FRMD3: variants seen among roughly 807,000 people sequenced by gnomAD.
FRMD3 encodes FERM domain containing 3.
FRMD3 carries 33 observed loss-of-function variants against 70.2 expected under a neutral mutation model. That is an observed-to-expected ratio of 0.47 (90% CI 0.36 to 0.63). FRMD3 has a LOEUF of 0.63. Ranked by LOEUF, FRMD3 falls within the 20% of genes least tolerant of loss-of-function variation. FRMD3 has a pLI of 0.00. For missense variants in FRMD3, 632 were observed against 711.4 expected, an observed-to-expected ratio of 0.89 and a Z score of 1.27; for synonymous variants, 279 against 255.9, an observed-to-expected ratio of 1.09 and a Z score of -0.86.
chr9:83,340,616 A>AT (rs917110871), intron 5 of FRMD3, among the ~76,000 whole-genome samples: 7 of 152,324 alleles, frequency 4.6e-5, no homozygotes, highest in African/African-American at 1.4e-4. Flanking sequence ...CAGGAAAGAT[A>AT]TTTTTACCAA....
chr9:83,393,575 C>T (rs1396795938), intron 1 of FRMD3, among the ~76,000 whole-genome samples: 1 of 147,146 alleles, frequency 6.8e-6, no homozygotes, highest in Non-Finnish European at 1.5e-5. Flanking sequence ...CGGTGGGAGC[C>T]CTGAGCTTGT....
At chr9:83,345,811 T>C (rs1823939080) in intron 4 of FRMD3, among the ~76,000 whole-genome samples, 1 of 152,176 alleles carries the variant, frequency 6.6e-6, no homozygotes, top group East Asian at 1.9e-4. Flanking sequence ...CAGGGGATGC[T>C]GTGGTGCAGC....
intron 1 of FRMD3, among the ~76,000 whole-genome samples, chr9:83,490,251 T>C (rs1828786265): frequency 6.6e-6 from 1 of 152,168 alleles, no homozygotes; most frequent in Non-Finnish European, 1.5e-5. Context: ...AACAGGCATT[T>C]TTCTAACTTC....
the FRMD3 span, among the ~76,000 whole-genome samples, chr9:83,555,742 A>C: frequency 6.6e-6 from 1 of 152,180 alleles, no homozygotes; most frequent in Non-Finnish European, 1.5e-5. Context: ...GGAAAGCCCA[A>C]GTATCTAAGG....
intron 1 of FRMD3, among the ~76,000 whole-genome samples, chr9:83,514,216 G>A (rs1254539453): frequency 6.6e-6 from 1 of 152,200 alleles, no homozygotes; most frequent in Non-Finnish European, 1.5e-5. Flanking sequence ...CTACTGGCTT[G>A]AAATTCTCAC....
At position 83,245,006 on chromosome 9, in the gene FRMD3, C is replaced by T. The variant is rs1832023033; in HGVS notation, c.*2912G>A. ...TATTATATATATTTATTTATATCCA[C>T]AAATGTACACTCAGTGGCATTTATG... is the stretch of plus-strand genomic sequence containing the variant. On this transcript the variant is annotated 3_prime_UTR_variant, in exon 14 of 14. Transcript: ENST00000304195. The T allele has an allele frequency of 2.0e-6, 2 of 984,186 alleles. No homozygotes were observed. Among genetic ancestry groups the T allele is most frequent in the Admixed American group, 6.2e-5 (1 of 16,256 alleles). 61.0% of individuals were successfully genotyped at this position (984,186 alleles called of 1,614,324 possible).
At chr9:83,574,963 G>A in the FRMD3 span, among the ~76,000 whole-genome samples, 1 of 152,114 alleles carries the variant, frequency 6.6e-6, no homozygotes. Context: ...CAGGGAAGAT[G>A]TTTCTTCCTT....
intron 6 of FRMD3, chr9:83,332,024 C>A: frequency 1.5e-6 from 1 of 647,648 alleles, no homozygotes; most frequent in Non-Finnish European, 2.8e-6. Context: ...TTCTGACTTC[C>A]CTGAGTGACA....
intron 1 of FRMD3, among the ~76,000 whole-genome samples, chr9:83,515,859 A>C (rs1829443110): frequency 6.6e-6 from 1 of 152,208 alleles, no homozygotes; most frequent in Admixed American, 6.5e-5. Context: ...TTTCATATCC[A>C]GCCAAACTAA....
Position 83,246,213 on chromosome 9 carries a change from GT to G in FRMD3, c.*1704del. The G allele has an allele frequency of 1.0e-6, 1 of 984,954 alleles. No homozygotes were observed. 61.0% of individuals were successfully genotyped at this position (984,954 alleles called of 1,614,324 possible). A position where few individuals can be genotyped will look rare whatever the true frequency, so the allele number is the denominator to read the frequency against. ...GAGAGAGCGATTCCAAGTGGGCCCT[GT>G]AACTTTGTACATTAGGGCAGTGGAA... is the stretch of plus-strand genomic sequence containing the variant. On this transcript the variant is annotated 3_prime_UTR_variant, in exon 14 of 14. Transcript: ENST00000304195.
chr9:83,337,403 A>T (rs1329743620), intron 5 of FRMD3, among the ~76,000 whole-genome samples: 1 of 152,196 alleles, frequency 6.6e-6, no homozygotes, highest in African/African-American at 2.4e-5. Context: ...AAAAAGAGAA[A>T]TGCCTACACA....
intron 1 of FRMD3, among the ~76,000 whole-genome samples, chr9:83,499,270 A>G (rs1302858589): frequency 6.6e-6 from 1 of 152,160 alleles, no homozygotes; most frequent in Non-Finnish European, 1.5e-5. Flanking sequence ...CACTGACAAG[A>G]AGATGAAAAT....
the FRMD3 span, among the ~76,000 whole-genome samples, chr9:83,580,572 TA>T: frequency 1.3e-5 from 2 of 152,150 alleles, no homozygotes; most frequent in Non-Finnish European, 2.9e-5. Context: ...GTTGAATTCA[TA>T]GCAGTAGAAA....
At chr9:83,528,273 T>C (rs1442186627) in intron 1 of FRMD3, among the ~76,000 whole-genome samples, 4 of 148,584 alleles carry the variant, frequency 2.7e-5, no homozygotes, top group Non-Finnish European at 5.9e-5. Flanking sequence ...CCTTCTACTC[T>C]TAATATTTTG....
At chr9:83,476,560 T>C (rs1026614868) in intron 1 of FRMD3, among the ~76,000 whole-genome samples, 10 of 152,124 alleles carry the variant, frequency 6.6e-5, no homozygotes, top group African/African-American at 2.4e-4. Context: ...GCCTCAATAA[T>C]TAGAAACCCA....
chr9:83,294,467 TGGCTTC>T (rs1834575214), intron 12 of FRMD3, among the ~76,000 whole-genome samples: 1 of 152,248 alleles, frequency 6.6e-6, no homozygotes, highest in Non-Finnish European at 1.5e-5. Context: ...CAACTGATCC[TGGCTTC>T]ATTTAAAGCA....
chr9:83,404,572 T>C (rs993115909), intron 1 of FRMD3, among the ~76,000 whole-genome samples: 1 of 152,124 alleles, frequency 6.6e-6, no homozygotes, highest in Non-Finnish European at 1.5e-5. Flanking sequence ...AGAGCCCCTC[T>C]CAGGGATGCA....
chr9:83,410,378 C>T (rs1164436108), intron 1 of FRMD3, among the ~76,000 whole-genome samples: 1 of 152,190 alleles, frequency 6.6e-6, no homozygotes. Context: ...TTACCTGCCA[C>T]TTATACATGC....
At chr9:83,365,539 T>C (rs2131237229) in intron 3 of FRMD3, among the ~76,000 whole-genome samples, 1 of 152,160 alleles carries the variant, frequency 6.6e-6, no homozygotes, top group Middle Eastern at 3.4e-3. Flanking sequence ...TCGTTGTGCA[T>C]AGGGCATGGC....
Sources: allele counts gnomAD v4.1 joint callset (sites outside exome capture counted in the v4.1 genomes callset), GRCh38; gene constraint gnomAD v4.1.1; transcripts MANE v1.5; gene names NCBI Gene and HGNC (gene_info 2026-07-23, HGNC 2026-07-21).